The following ATP8A2 variants were observed in gnomAD, a reference collection of about 807,000 sequenced individuals.
ATP8A2 encodes the protein ATPase phospholipid transporting 8A2.
ATP8A2 carries 100 observed loss-of-function variants against 165.6 expected under a neutral mutation model. The observed-to-expected ratio is 0.60, with a 90% CI of 0.51 to 0.71. ATP8A2 has a LOEUF of 0.71. Among genes scored for constraint, ATP8A2 ranks in the 30% least tolerant of loss-of-function variants. ATP8A2 has a pLI of 0.00. For synonymous variants in ATP8A2, 543 were observed against 548.8 expected (o/e 0.99, Z 0.15); for missense variants, 1,227 against 1,479.5 (o/e 0.83, Z 2.80).
chr13:25,584,602 C>T lies in ATP8A2; in HGVS notation c.2146+2645C>T, dbSNP rs1374641946. Among the ~76,000 whole-genome samples, 4 of 152,162 alleles carry T rather than the reference C, an allele frequency of 2.6e-5. No individual in the cohort carries two copies. The South Asian group carries it at 8.3e-4, about 32-fold the overall frequency. On this transcript the variant is annotated intron_variant, in intron 23 of 36. Coordinates refer to ENST00000381655, the MANE Select transcript of ATP8A2 (RefSeq NM_016529.6). ...TTTTTAATATTTACATATGAACATT[C>T]TTATAGCTCGAGGAGGAAATTCTAC...
intron 27 of ATP8A2, among the ~76,000 whole-genome samples, chr13:25,779,096 T>C (rs2044810122): frequency 1.3e-5 from 2 of 150,664 alleles, no homozygotes; most frequent in Non-Finnish European, 3.0e-5. Flanking sequence ...GTTATCTATA[T>C]TGTACAATCA....
At chr13:25,564,893 G>A (rs897033701) in intron 16 of ATP8A2, among the ~76,000 whole-genome samples, 7 of 147,292 alleles carry the variant, frequency 4.8e-5, no homozygotes, top group East Asian at 2.2e-4. Context: ...CCCAAAGTCC[G>A]TTGTATCATT....
chr13:25,421,911 C>T (rs2034311285), intron 1 of ATP8A2, among the ~76,000 whole-genome samples: 1 of 152,178 alleles, frequency 6.6e-6, no homozygotes, highest in South Asian at 2.1e-4. Flanking sequence ...ATTTCCATTT[C>T]TTTCCTTTTT....
chr13:25,442,230 T>C (rs1012611200), intron 1 of ATP8A2, among the ~76,000 whole-genome samples: 2 of 152,230 alleles, frequency 1.3e-5, no homozygotes, highest in African/African-American at 2.4e-5. Context: ...CTTTGAACCC[T>C]GCTTTCCATT....
At chr13:26,003,519 C>G (rs1332736093) in intron 35 of ATP8A2, among the ~76,000 whole-genome samples, 1 of 152,080 alleles carries the variant, frequency 6.6e-6, no homozygotes, top group African/African-American at 2.4e-5. Flanking sequence ...TGCAGAAGCT[C>G]TATTGTTTGA....
intron 35 of ATP8A2, among the ~76,000 whole-genome samples, chr13:26,003,468 T>A (rs927477064): frequency 2.9e-4 from 44 of 152,300 alleles, no homozygotes; most frequent in African/African-American, 1.0e-3. Context: ...TCTCTCACTC[T>A]TTAGGTTGTC....
intron 25 of ATP8A2, among the ~76,000 whole-genome samples, chr13:25,759,315 T>G (rs917296374): frequency 7.2e-5 from 11 of 152,172 alleles, no homozygotes; most frequent in African/African-American, 2.7e-4. Context: ...TCCAATATAT[T>G]AAGCATCTCC....
intron 30 of ATP8A2, among the ~76,000 whole-genome samples, chr13:25,856,941 C>G (rs1382627391): frequency 2.0e-5 from 3 of 152,158 alleles, no homozygotes; most frequent in Non-Finnish European, 2.9e-5. Context: ...TTATTATTAT[C>G]CTATTTATGG....
Position 25,690,010 on chromosome 13 carries a change from G to C in ATP8A2, c.2212-9163G>C, listed in dbSNP as rs1223152784. ...CAGTATTCAAGAATCTGTTTGTTTAGCAAATAAAAGGATTCCTGGTACTAA... is the reference window on the plus strand; with the variant it reads ...CAGTATTCAAGAATCTGTTTGTTTACCAAATAAAAGGATTCCTGGTACTAA... On this transcript the variant is annotated intron_variant, in intron 24 of 36. Transcript: ENST00000381655. Among the ~76,000 whole-genome samples the C allele has an allele frequency of 2.0e-5, 3 of 152,162 alleles. No homozygotes were observed. In the East Asian group the frequency reaches 5.8e-4, roughly 29 times the overall value.
At chr13:25,809,963 C>T (rs1950825628) in intron 27 of ATP8A2, among the ~76,000 whole-genome samples, 1 of 152,166 alleles carries the variant, frequency 6.6e-6, no homozygotes, top group South Asian at 2.1e-4. Context: ...CCAGAGAGGA[C>T]CATGTCAGCT....
intron 24 of ATP8A2, among the ~76,000 whole-genome samples, chr13:25,683,806 C>A (rs981586671): frequency 6.6e-6 from 1 of 151,746 alleles, no homozygotes. Context: ...CTGTGAATAT[C>A]GTTAGGTGGG....
chr13:25,849,637 T>C (rs936276541), intron 30 of ATP8A2, among the ~76,000 whole-genome samples: 1 of 152,190 alleles, frequency 6.6e-6, no homozygotes, highest in Non-Finnish European at 1.5e-5. Flanking sequence ...AGAGCTCATG[T>C]GGTTTTGTCC....
chr13:25,463,467 A>C (rs2035558319), intron 1 of ATP8A2, among the ~76,000 whole-genome samples: 1 of 152,138 alleles, frequency 6.6e-6, no homozygotes, highest in Non-Finnish European at 1.5e-5. Context: ...AACAAATTTC[A>C]AAAACCTGTC....
chr13:25,728,566 GTC>G (rs2043545263), intron 25 of ATP8A2, among the ~76,000 whole-genome samples: 1 of 152,154 alleles, frequency 6.6e-6, no homozygotes, highest in Non-Finnish European at 1.5e-5. Flanking sequence ...CAGATAAAAT[GTC>G]TCTGTCTTAG....
intron 28 of ATP8A2, 97 bp downstream of exon 28, chr13:25,828,289 C>A: frequency 9.8e-7 from 1 of 1,017,718 alleles, no homozygotes; most frequent in Non-Finnish European, 1.6e-6. Flanking sequence ...CTGAGTCAAT[C>A]ATCTGTATAC....
Position 25,530,100 on chromosome 13 carries a change from T to C in ATP8A2, c.321+2T>C, listed in dbSNP as rs2037982456. On this transcript the variant is annotated splice_donor_variant, in intron 3 of 36. Transcript: ENST00000381655. LOFTEE classifies it high-confidence loss of function. ...TTTCTCTTCATTGCCTTATTACAGG[T>C]AATGGTTTTTTAACAGTTCCTTGGA... The C allele has an allele frequency of 6.4e-7, 1 of 1,559,210 alleles. No individual in the cohort carries two copies. The highest frequency in any genetic ancestry group is 8.8e-7 in the Non-Finnish European group (1 of 1,133,450).
intron 25 of ATP8A2, among the ~76,000 whole-genome samples, chr13:25,717,245 T>C (rs1349740482): frequency 6.6e-6 from 1 of 151,838 alleles, no homozygotes; most frequent in Non-Finnish European, 1.5e-5. Context: ...AGATGTAAAA[T>C]TGGGAGGATT....
intron 24 of ATP8A2, among the ~76,000 whole-genome samples, chr13:25,672,396 C>T (rs1008802385): frequency 3.9e-5 from 6 of 152,158 alleles, no homozygotes; most frequent in Non-Finnish European, 7.3e-5. Context: ...CCTCTCACAA[C>T]ATCACTGCAG....
intron 2 of ATP8A2, among the ~76,000 whole-genome samples, chr13:25,487,920 T>C (rs1037776348): frequency 6.6e-6 from 1 of 152,108 alleles, no homozygotes; most frequent in Admixed American, 6.5e-5. Context: ...AACAAGTACA[T>C]GAGTCTTGGC....
Sources: gnomAD v4.1 joint callset for allele counts (sites outside exome capture counted in the v4.1 genomes callset) on GRCh38, gnomAD v4.1.1 for gene constraint, MANE v1.5 for transcripts, NCBI Gene and HGNC (gene_info 2026-07-23, HGNC 2026-07-21) for gene names.